Variants in ADIPOR2 observed in about 807,000 individuals in gnomAD.
ADIPOR2 encodes the protein adiponectin receptor 2.
Under a neutral mutation model 40.9 loss-of-function variants are expected in ADIPOR2, and 18 were observed. The observed-to-expected ratio is 0.44, with a 90% CI of 0.30 to 0.65. The LOEUF (loss-of-function observed/expected upper bound fraction) is 0.65, where lower values mean the gene tolerates loss of function less well. ADIPOR2 is among the 30% of genes least tolerant of loss of function. The pLI, the probability that ADIPOR2 is intolerant of heterozygous loss-of-function variation, is 0.09. For missense variants in ADIPOR2, 283 were observed against 479.2 expected, an observed-to-expected ratio of 0.59 and a Z score of 3.82; for synonymous variants, 165 against 166.4, an observed-to-expected ratio of 0.99 and a Z score of 0.06.
chr12:1,757,911 C>T (rs1316750164), intron 2 of ADIPOR2: 2 of 844,448 alleles, frequency 2.4e-6, no homozygotes, highest in Non-Finnish European at 4.2e-6. Context: ...CTTGTGGGGA[C>T]TAGTGGATGG....
intron 6 of ADIPOR2, among the ~76,000 whole-genome samples, chr12:1,783,124 C>T (rs1409129562): frequency 7.9e-5 from 12 of 151,248 alleles, no homozygotes; most frequent in Non-Finnish European, 2.9e-5. Context: ...TGAGCTGAGC[C>T]ACTGCGCCCA....
chr12:1,711,110 G>A (rs1171790130), intron 1 of ADIPOR2, among the ~76,000 whole-genome samples: 2 of 152,142 alleles, frequency 1.3e-5, no homozygotes, highest in African/African-American at 4.8e-5. Flanking sequence ...CTTCCCCTAA[G>A]AAGGTGCATA....
intron 1 of ADIPOR2, among the ~76,000 whole-genome samples, chr12:1,746,042 C>G (rs1359570085): frequency 2.0e-5 from 3 of 151,918 alleles, no homozygotes; most frequent in African/African-American, 7.3e-5. Context: ...CCTTCCTCAT[C>G]TTCCTGATGG....
intron 1 of ADIPOR2, among the ~76,000 whole-genome samples, chr12:1,739,742 T>G (rs1394751947): frequency 1.3e-5 from 2 of 152,344 alleles, no homozygotes; most frequent in South Asian, 4.1e-4. Flanking sequence ...TAGAGTGTTA[T>G]GAGCACTGAC....
chr12:1,736,981 A>G lies in ADIPOR2; in HGVS notation c.-86-17277A>G, dbSNP rs145582113. On this transcript the variant is annotated intron_variant, in intron 1 of 7. Transcript: ENST00000357103. Reference sequence around the variant, plus strand: ...CAATGGGCCTGTTTTCATGTCCACCAGGCATTATGGCTGAGTGAAAAGCCA... The same window carrying G: ...CAATGGGCCTGTTTTCATGTCCACCGGGCATTATGGCTGAGTGAAAAGCCA... Among the ~76,000 whole-genome samples, 1,398 of 152,312 alleles carry G rather than the reference A, an allele frequency of 9.2e-3. 34 individuals are homozygous for G. Among genetic ancestry groups the G allele is most frequent in the Admixed American group, 0.023 (356 of 15,300 alleles).
At chr12:1,775,267 C>T (rs1862566477) in intron 3 of ADIPOR2, among the ~76,000 whole-genome samples, 1 of 152,118 alleles carries the variant, frequency 6.6e-6, no homozygotes, top group Non-Finnish European at 1.5e-5. Context: ...TTGGCTAAGC[C>T]GTGATCTTAT....
At chr12:1,728,149 G>C (rs1467021037) in intron 1 of ADIPOR2, among the ~76,000 whole-genome samples, 1 of 149,146 alleles carries the variant, frequency 6.7e-6, no homozygotes, top group Non-Finnish European at 1.5e-5. Context: ...TCTCGCTCTT[G>C]TCCCCCAGGC....
chr12:1,742,030 A>G (rs1053312210), intron 1 of ADIPOR2, among the ~76,000 whole-genome samples: 2 of 151,352 alleles, frequency 1.3e-5, no homozygotes, highest in Non-Finnish European at 2.9e-5. Flanking sequence ...ACAAAATCTT[A>G]TGATTGTTGA....
chr12:1,700,162 A>G (rs987779203), intron 1 of ADIPOR2, among the ~76,000 whole-genome samples: 1 of 152,244 alleles, frequency 6.6e-6, no homozygotes, highest in Non-Finnish European at 1.5e-5. Flanking sequence ...ACTAGAGAAC[A>G]AAACACAAAG....
chr12:1,702,231 A>T (rs1055616458), intron 1 of ADIPOR2, among the ~76,000 whole-genome samples: 1 of 152,226 alleles, frequency 6.6e-6, no homozygotes, highest in African/African-American at 2.4e-5. Context: ...AACAATAAGG[A>T]TAAAATGTTT....
chr12:1,769,944 G>T (rs182578142), intron 2 of ADIPOR2, among the ~76,000 whole-genome samples: 7 of 146,468 alleles, frequency 4.8e-5, no homozygotes, highest in South Asian at 4.4e-4. Context: ...TTGAGACAGG[G>T]TGTAGCTCTG....
intron 6 of ADIPOR2, among the ~76,000 whole-genome samples, chr12:1,782,606 A>C (rs569554636): frequency 1.3e-5 from 2 of 152,368 alleles, no homozygotes; most frequent in South Asian, 4.1e-4. Context: ...ACTTTAACAA[A>C]ATAGTATTTA....
intron 1 of ADIPOR2, among the ~76,000 whole-genome samples, chr12:1,718,442 AAAAC>A (rs1389499416): frequency 6.6e-6 from 1 of 152,132 alleles, no homozygotes; most frequent in African/African-American, 2.4e-5. Flanking sequence ...GTGAGGTGAC[AAAAC>A]AAATTCAGAT....
intron 4 of ADIPOR2, chr12:1,780,250 G>T: frequency 2.1e-6 from 1 of 484,904 alleles, no homozygotes; most frequent in Non-Finnish European, 3.5e-6. Context: ...TTCAGTTTAT[G>T]AAGCTGAAGT....
intron 3 of ADIPOR2, among the ~76,000 whole-genome samples, chr12:1,777,021 A>C (rs574815997): frequency 2.0e-5 from 3 of 151,972 alleles, no homozygotes; most frequent in Admixed American, 6.6e-5. Context: ...CAATTTTCTG[A>C]CTCCTGTGCT....
At chr12:1,750,519 G>C (rs982105759) in intron 1 of ADIPOR2, among the ~76,000 whole-genome samples, 1 of 151,968 alleles carries the variant, frequency 6.6e-6, no homozygotes, top group African/African-American at 2.4e-5. Context: ...AGTGAGGTAT[G>C]ATTGCACCAT....
At chr12:1,765,215 A>G (rs1862352030) in intron 2 of ADIPOR2, among the ~76,000 whole-genome samples, 1 of 152,216 alleles carries the variant, frequency 6.6e-6, no homozygotes, top group African/African-American at 2.4e-5. Context: ...GTGAATTTGT[A>G]TTTTGTGATT....
At chr12:1,741,727 G>A (rs1352209736) in intron 1 of ADIPOR2, among the ~76,000 whole-genome samples, 1 of 152,148 alleles carries the variant, frequency 6.6e-6, no homozygotes, top group African/African-American at 2.4e-5. Flanking sequence ...AACCTGTTTG[G>A]AATGAAAAAG....
At chr12:1,715,403 G>A (rs1324041697) in intron 1 of ADIPOR2, among the ~76,000 whole-genome samples, 1 of 152,052 alleles carries the variant, frequency 6.6e-6, no homozygotes, top group African/African-American at 2.4e-5. Flanking sequence ...AGGTCAAATT[G>A]GTCCCAGTGG....
Sources: gnomAD v4.1 joint callset for allele counts (sites outside exome capture counted in the v4.1 genomes callset) on GRCh38, gnomAD v4.1.1 for gene constraint, MANE v1.5 for transcripts, NCBI Gene and HGNC (gene_info 2026-07-23, HGNC 2026-07-21) for gene names.